Variants in ASIP observed in about 807,000 individuals in gnomAD.
The protein encoded by ASIP is agouti-signaling protein.
Under a neutral mutation model 10.3 loss-of-function variants are expected in ASIP, and 11 were observed. The observed-to-expected ratio is 1.07, with a 90% CI of 0.68 to 1.78. The LOEUF is 1.78. Among genes scored for constraint, ASIP ranks in the 40% most tolerant of loss-of-function variants. The probability of loss-of-function intolerance (pLI) is 0.00; values close to 1 mark genes in which losing one functional copy is unlikely to be tolerated. For synonymous variants in ASIP, 70 were observed against 70.8 expected (o/e 0.99, Z 0.06); for missense variants, 180 against 169.2 (o/e 1.06, Z -0.35).
the ASIP span, among the ~76,000 whole-genome samples, chr20:34,187,309 C>T: frequency 6.6e-6 from 1 of 152,072 alleles, no homozygotes; most frequent in African/African-American, 2.4e-5. Flanking sequence ...GAAAGATTCT[C>T]GGGGCAGAAT....
chr20:34,214,271 T>C, intron 1 of ASIP: 1 of 1,407,798 alleles, frequency 7.1e-7, no homozygotes, highest in Non-Finnish European at 1.0e-6. Context: ...GACGCAGACC[T>C]CTGTGATCTA....
At chr20:34,227,903 T>C (rs930650528) in intron 1 of ASIP, among the ~76,000 whole-genome samples, 1 of 152,166 alleles carries the variant, frequency 6.6e-6, no homozygotes, top group African/African-American at 2.4e-5. Flanking sequence ...AGTATTGCTA[T>C]AAAGATAGAC....
chr20:34,245,943 AT>A (rs2035367761), intron 1 of ASIP: 3 of 1,531,906 alleles, frequency 2.0e-6, no homozygotes, highest in Admixed American at 3.5e-5. Flanking sequence ...ATACAGACAA[AT>A]TTTCAAATTC....
At chr20:34,205,363 G>C (rs970788807) in intron 1 of ASIP, among the ~76,000 whole-genome samples, 1 of 152,004 alleles carries the variant, frequency 6.6e-6, no homozygotes, top group Admixed American at 6.5e-5. Context: ...CCTTCGTGGT[G>C]AGTGTTACAG....
chr20:34,261,718 C>T (rs1429652007), intron 2 of ASIP, among the ~76,000 whole-genome samples: 1 of 152,148 alleles, frequency 6.6e-6, no homozygotes, highest in African/African-American at 2.4e-5. Flanking sequence ...AGGAGGATTG[C>T]TTGAGCCCAG....
rs1420645211 is a variant in ASIP at position 34,258,753 on chromosome 20, A to ATT, written c.-10-1612_-10-1611insTT. Reference sequence around the variant, plus strand: ...TATATAGTATATATATACTATATATAATATATGATATATATAATATATATA... The same window carrying ATT: ...TATATAGTATATATATACTATATATATTATATATGATATATATAATATATATA... On this transcript the variant is annotated intron_variant, in intron 1 of 3. Transcript: ENST00000374954. Among the ~76,000 whole-genome samples the ATT allele has an allele frequency of 4.8e-5, 4 of 84,060 alleles. 1 individual carries two copies. Among genetic ancestry groups the ATT allele is most frequent in the Non-Finnish European group, 7.8e-5 (4 of 51,526 alleles). The allele number at this position is 84,060 out of a possible 152,430, so 55.1% of individuals were successfully genotyped here.
At chr20:34,247,776 T>C (rs963003785) in intron 1 of ASIP, among the ~76,000 whole-genome samples, 3 of 152,148 alleles carry the variant, frequency 2.0e-5, no homozygotes, top group Non-Finnish European at 4.4e-5. Flanking sequence ...TTTTAAATTT[T>C]TGTGGAGATG....
intron 2 of ASIP, among the ~76,000 whole-genome samples, chr20:34,261,918 G>C (rs1469538050): frequency 1.3e-5 from 2 of 152,078 alleles, no homozygotes; most frequent in African/African-American, 4.8e-5. Flanking sequence ...TTTGAGACCA[G>C]CCTGGCCAAC....
At chr20:34,258,651 T>G (rs553339435) in intron 1 of ASIP, among the ~76,000 whole-genome samples, 10 of 39,074 alleles carry the variant, frequency 2.6e-4, no homozygotes, top group Non-Finnish European at 4.6e-4. Context: ...CATTGAGGAG[T>G]TAATATCTTA....
intron 1 of ASIP, among the ~76,000 whole-genome samples, chr20:34,235,355 G>T (rs8114900): frequency 6.6e-6 from 1 of 152,048 alleles, no homozygotes; most frequent in South Asian, 2.1e-4. Context: ...CAGGACAATC[G>T]CTTGAAGCGG....
rs1319786841 is a variant in ASIP at position 34,260,535 on chromosome 20, G to A, written c.160+1G>A. ...GATGTCCCTTCTGTCTCTATTGTGG[G>A]TAAGTCACCTAGCCTCTGGGCTCTG... On this transcript the variant is annotated splice_donor_variant, in intron 2 of 3. Transcript: ENST00000374954. LOFTEE classifies it high-confidence loss of function. The A allele has an allele frequency of 6.2e-6, 10 of 1,608,560 alleles. No homozygotes were observed. The South Asian group carries it at 1.1e-4, about 18-fold the overall frequency.
intron 1 of ASIP, among the ~76,000 whole-genome samples, chr20:34,221,234 C>T (rs1161950986): frequency 1.3e-5 from 2 of 151,842 alleles, no homozygotes; most frequent in Non-Finnish European, 1.5e-5. Context: ...GAAAATTAGC[C>T]GGGTGTGGTG....
chr20:34,250,986 G>A (rs1197420615), intron 1 of ASIP, among the ~76,000 whole-genome samples: 2 of 152,080 alleles, frequency 1.3e-5, no homozygotes, highest in African/African-American at 2.4e-5. Context: ...ATTCCCTCAA[G>A]CAGAGATCTT....
Position 34,241,452 on chromosome 20 carries a change from A to T in ASIP, c.-48A>T. 2 of 985,454 alleles carry T rather than the reference A, an allele frequency of 2.0e-6. No homozygotes were observed. The highest frequency in any genetic ancestry group is 2.4e-6 in the Non-Finnish European group (2 of 829,928). 61.0% of individuals were successfully genotyped at this position (985,454 alleles called of 1,614,324 possible). On this transcript the variant is annotated 5_prime_UTR_variant, in exon 1 of 4. In the 5' UTR this introduces an upstream ATG that the reference lacks. Transcript: ENST00000374954. ...AATCTCTACAGCTGCAAGGTGAAAA[A>T]GGAAGTTCCTTGGCCTGGGCTCTTT...
At chr20:34,206,730 C>CTACT (rs2034939569) in intron 1 of ASIP, among the ~76,000 whole-genome samples, 1 of 152,116 alleles carries the variant, frequency 6.6e-6, no homozygotes, top group Non-Finnish European at 1.5e-5. Context: ...AGGTGCAAGC[C>CTACT]ACCACGCCTG....
intron 1 of ASIP, among the ~76,000 whole-genome samples, chr20:34,257,811 C>T (rs1332616845): frequency 1.3e-5 from 2 of 152,160 alleles, no homozygotes; most frequent in Non-Finnish European, 2.9e-5. Context: ...ATTATTGGCA[C>T]ATTAGCCTTT....
the ASIP span, among the ~76,000 whole-genome samples, chr20:34,188,166 C>T: frequency 2.0e-5 from 3 of 152,158 alleles, no homozygotes; most frequent in Non-Finnish European, 2.9e-5. Context: ...ATCCTAGTTC[C>T]CAAAGGGGAT....
intron 2 of ASIP, among the ~76,000 whole-genome samples, chr20:34,261,658 C>T (rs899835646): frequency 9.9e-5 from 15 of 151,180 alleles, no homozygotes; most frequent in Non-Finnish European, 2.1e-4. Context: ...AAAAACTAGC[C>T]GGGAATGGTG....
upstream of ASIP, among the ~76,000 whole-genome samples, chr20:34,240,664 T>C (rs1278093285): frequency 6.6e-6 from 1 of 152,156 alleles, no homozygotes; most frequent in Non-Finnish European, 1.5e-5. Flanking sequence ...CACCCGGAAT[T>C]TCTGAAACAA....
Sources: allele counts gnomAD v4.1 joint callset (sites outside exome capture counted in the v4.1 genomes callset), GRCh38; gene constraint gnomAD v4.1.1; transcripts MANE v1.5; gene names NCBI Gene and HGNC (gene_info 2026-07-23, HGNC 2026-07-21).